Variants in DNAH10 observed in about 807,000 individuals in gnomAD.
DNAH10 encodes the protein axonemal beta dynein heavy chain 10.
DNAH10 carries 348 observed loss-of-function variants against 506.6 expected under a neutral mutation model. The ratio of observed to expected loss-of-function variants is 0.69; its 90% CI spans 0.63 to 0.75. The LOEUF is 0.75. Ranked by LOEUF, DNAH10 falls within the 30% of genes least tolerant of loss-of-function variation. The pLI is 0.00. For missense variants in DNAH10, 5,179 were observed against 5,787.1 expected (o/e 0.89, Z 3.41); for synonymous variants, 2,059 against 2,198.6 (o/e 0.94, Z 1.78).
rs552089507 is a variant in DNAH10, at chr12:123,902,922, C to T, written c.9641-17C>T. 6.4e-6 allele frequency: 10 copies of T among 1,568,692 alleles called. No homozygotes were observed. Among genetic ancestry groups the T allele is most frequent in the East Asian group, 2.4e-5 (1 of 42,100 alleles). On this transcript the variant is annotated splice_polypyrimidine_tract_variant and intron_variant, in intron 56 of 78. Coordinates refer to ENST00000673944, the MANE Select transcript of DNAH10 (RefSeq NM_001372106.1). This position sits in a 1 kb window ranked among gnomAD's most constrained non-coding sequence, Gnocchi z 4.5. Reference sequence around the variant, plus strand: ...CTCTGAGCCCAAGCTTTACTCACCCCCTGTCCTACCCTGCAGCCGAGGAGA... The same window carrying T: ...CTCTGAGCCCAAGCTTTACTCACCCTCTGTCCTACCCTGCAGCCGAGGAGA...
rs1046475962 is a variant in DNAH10 at position 123,762,970 on chromosome 12, C to T, written c.214+420C>T. On this transcript the variant is annotated intron_variant, in intron 1 of 78. Transcript: ENST00000673944. The surrounding 1 kb of genome is among the most constrained non-coding windows in gnomAD (Gnocchi z 5.0). Reference sequence around the variant, plus strand: ...AAGATCCACTGTGCAATAATCCGAACGGCTGGGTAGAGCCATGCCCAGGTG... The same window carrying T: ...AAGATCCACTGTGCAATAATCCGAATGGCTGGGTAGAGCCATGCCCAGGTG... Among the ~76,000 whole-genome samples, 1 of 152,172 alleles carries T rather than the reference C, an allele frequency of 6.6e-6. No individual in the cohort carries two copies. Among genetic ancestry groups the T allele is most frequent in the African/African-American group, 2.4e-5 (1 of 41,446 alleles).
chr12:123,763,952 A>G (rs1956926141), intron 1 of DNAH10, among the ~76,000 whole-genome samples: 1 of 144,570 alleles, frequency 6.9e-6, no homozygotes, highest in South Asian at 2.2e-4. Flanking sequence ...TGCAACCTCC[A>G]CCTCCCTGGT....
rs750589935 is a variant in DNAH10, at chr12:123,771,626, A to G, written c.324A>G (p.Glu108=). 58 of 1,613,608 alleles carry G rather than the reference A, an allele frequency of 3.6e-5. No individual in the cohort carries two copies. Among genetic ancestry groups the G allele is most frequent in the Non-Finnish European group, 4.3e-5 (51 of 1,179,804 alleles). The change falls in exon 3 of 79, where the codon GAA becomes GAG. Residue 108 remains glutamate, a synonymous_variant. Coordinates refer to ENST00000673944, the MANE Select transcript of DNAH10 (RefSeq NM_001372106.1). ...VRAKRVSLRT[E]SLGQPLNRED... ...CTAAGCGTGTGTCACTGAGAACCGA[A>G]TCTCTAGGCCAACCTCTAAACAGAG...
chr12:123,788,093 C>A (rs956857459), intron 10 of DNAH10, 91 bp downstream of exon 10: 9 of 1,434,166 alleles, frequency 6.3e-6, no homozygotes, highest in Non-Finnish European at 8.6e-6. Context: ...AGGAGCTGGG[C>A]GTCAGAAAGG....
At chr12:123,816,400 C>A (rs1959144488) in intron 21 of DNAH10, among the ~76,000 whole-genome samples, 1 of 152,178 alleles carries the variant, frequency 6.6e-6, no homozygotes, top group African/African-American at 2.4e-5. Flanking sequence ...TCAGTCATGC[C>A]TGTATAATGA....
chr12:123,822,004 G>A (rs1430091389), intron 24 of DNAH10, among the ~76,000 whole-genome samples: 2 of 152,136 alleles, frequency 1.3e-5, no homozygotes, highest in Non-Finnish European at 1.5e-5. Flanking sequence ...CCAGGAGTTC[G>A]AGACTAGCCT....
chr12:123,827,313 A>G (rs893380913), intron 25 of DNAH10, among the ~76,000 whole-genome samples: 1 of 152,246 alleles, frequency 6.6e-6, no homozygotes, highest in Non-Finnish European at 1.5e-5. Context: ...AACTCAATAT[A>G]TCCCAAACAT....
intron 24 of DNAH10, among the ~76,000 whole-genome samples, chr12:123,824,643 G>C (rs888011686): frequency 1.3e-5 from 2 of 152,154 alleles, no homozygotes; most frequent in Non-Finnish European, 2.9e-5. Flanking sequence ...TCACTCTGGA[G>C]GCTGCAGAAG....
At chr12:123,887,442 A>C in intron 52 of DNAH10, 129 bp downstream of exon 52, 2 of 1,106,628 alleles carry the variant, frequency 1.8e-6, no homozygotes, top group African/African-American at 1.6e-5. Flanking sequence ...TTCCTCCCTC[A>C]CGGCGGCCCC....
intron 54 of DNAH10, among the ~76,000 whole-genome samples, chr12:123,896,148 C>CACACAT (rs1383690518): frequency 0.015 from 1,391 of 95,280 alleles, 27 homozygotes; most frequent in Non-Finnish European, 0.019. Context: ...CACACACACA[C>CACACAT]AGAGAGAGAG....
intron 33 of DNAH10, among the ~76,000 whole-genome samples, chr12:123,848,352 A>G (rs181802553): frequency 1.3e-5 from 2 of 152,342 alleles, no homozygotes; most frequent in Non-Finnish European, 2.9e-5. Flanking sequence ...CGGCCAGCAG[A>G]CAAGAGAGTG....
intron 7 of DNAH10, 110 bp downstream of exon 7, chr12:123,783,374 T>C: frequency 7.6e-7 from 1 of 1,314,840 alleles, no homozygotes. Flanking sequence ...CTTACTGTTT[T>C]ATGACTTCCT....
chr12:123,770,487 ATTTTTTTT>A (rs56670119), intron 2 of DNAH10, among the ~76,000 whole-genome samples: 1 of 133,172 alleles, frequency 7.5e-6, no homozygotes, highest in Non-Finnish European at 1.6e-5. Flanking sequence ...CGTAAGTGTG[ATTTTTTTT>A]TTTTTTTTTT....
Position 123,767,672 on chromosome 12 carries a change from C to G in DNAH10, c.281C>G (p.Ser94Cys). Reference protein sequence around the residue: ...EEETYSQKVESVDKVRAKRVS... With the variant: ...EEETYSQKVECVDKVRAKRVS... ...GAGACTTATTCTCAAAAAGTGGAGT[C>G]CGTGGATAAAGTGCGAGGTGTGGAG... is the stretch of plus-strand genomic sequence containing the variant. The change falls in exon 2 of 79, where the codon TCC becomes TGC. Residue 94 changes from serine (S) to cysteine (C), a missense_variant. By Grantham distance (112) the Ser-to-Cys change is moderately radical. Transcript: ENST00000673944. The G allele has an allele frequency of 6.2e-7, 1 of 1,611,772 alleles. No individual in the cohort carries two copies. The highest frequency in any genetic ancestry group is 8.5e-7 in the Non-Finnish European group (1 of 1,178,986).
intron 21 of DNAH10, among the ~76,000 whole-genome samples, chr12:123,815,185 T>C (rs964250909): frequency 6.6e-6 from 1 of 152,138 alleles, no homozygotes; most frequent in Non-Finnish European, 1.5e-5. Context: ...CTCTCTCTCT[T>C]TATTTAGGTC....
Position 123,921,721 on chromosome 12 carries a change from T to G in DNAH10, c.11507-2042T>G, listed in dbSNP as rs1485455087. Among the ~76,000 whole-genome samples, 15 of 56,038 alleles carry G rather than the reference T, an allele frequency of 2.7e-4. 1 individual carries two copies. Among genetic ancestry groups the G allele is most frequent in the Admixed American group, 6.4e-4 (3 of 4,662 alleles). 36.8% of individuals were successfully genotyped at this position (56,038 alleles called of 152,430 possible). On this transcript the variant is annotated intron_variant, in intron 65 of 78. Transcript: ENST00000673944. ...TTTTTTTTTTTTTTTTTTTTTTTTT[T>G]TTTTTTTTTTGAGACAGAATGTCAC...
chr12:123,870,521 G>A (rs1230757581), intron 44 of DNAH10, 36 bp downstream of exon 44: 1 of 1,604,132 alleles, frequency 6.2e-7, no homozygotes, highest in Non-Finnish European at 8.5e-7. Context: ...CTGGGTTTAG[G>A]AGTGTGTGAT....
At position 123,881,765 on chromosome 12, in the gene DNAH10, A is replaced by G; in HGVS notation, c.8775A>G (p.Ser2925=). The change falls in exon 51 of 79, where the codon TCA becomes TCG. Residue 2925 remains serine, a synonymous_variant. Transcript: ENST00000673944. ...CCCTGCTGGTCGGGGTAGGGGGCTC[A>G]GGGAAGCAGTCTCTTTCGAGGCTGG... The part of the protein sequence containing the change: ...GHALLVGVGG[S]GKQSLSRLAA... The G allele has an allele frequency of 2.0e-6, 3 of 1,533,926 alleles. No individual in the cohort carries two copies. The highest frequency in any genetic ancestry group is 2.6e-6 in the Non-Finnish European group (3 of 1,138,582).
At chr12:123,881,897 C>T in intron 51 of DNAH10, 84 bp downstream of exon 51, 1 of 1,249,924 alleles carries the variant, frequency 8.0e-7, no homozygotes, top group Non-Finnish European at 1.0e-6. Context: ...GAACAATCCA[C>T]AGCAGATCAT....
Sources: gnomAD v4.1 joint callset for allele counts (sites outside exome capture counted in the v4.1 genomes callset) on GRCh38, gnomAD v4.1.1 for gene constraint, Gnocchi (gnomAD v3.1) non-coding constraint, MANE v1.5 for transcripts, NCBI Gene and HGNC (gene_info 2026-07-23, HGNC 2026-07-21) for gene names.